The following CATSPERT variants were observed in gnomAD, a reference collection of about 807,000 sequenced individuals.
The protein encoded by CATSPERT is catsper channel auxiliary subunit tau, also known as cation channel sperm-associated targeting subunit tau.
the CATSPERT span, among the ~76,000 whole-genome samples, chr2:201,597,034 G>C: frequency 1.3e-5 from 2 of 152,168 alleles, no homozygotes; most frequent in Non-Finnish European, 2.9e-5. Context: ...AAATGATAGA[G>C]ACTCTGGATT....
At chr2:201,582,721 C>A in the CATSPERT span, among the ~76,000 whole-genome samples, 1 of 152,160 alleles carries the variant, frequency 6.6e-6, no homozygotes, top group Non-Finnish European at 1.5e-5. Context: ...GAACTTGAAA[C>A]TCTCTCCCAA....
the CATSPERT span, among the ~76,000 whole-genome samples, chr2:201,581,593 T>TATATATAC: frequency 1.3e-4 from 4 of 30,776 alleles, no homozygotes; most frequent in Admixed American, 8.4e-4. Context: ...TATATATATA[T>TATATATAC]ACACATACAT....
At chr2:201,574,617 T>C in the CATSPERT span, among the ~76,000 whole-genome samples, 2 of 152,150 alleles carry the variant, frequency 1.3e-5, no homozygotes, top group Admixed American at 1.3e-4. Context: ...TTCATGTATG[T>C]ATATTTTTAA....
At chr2:201,612,240 T>C in the CATSPERT span, among the ~76,000 whole-genome samples, 1 of 152,136 alleles carries the variant, frequency 6.6e-6, no homozygotes, top group Non-Finnish European at 1.5e-5. Context: ...AGGTCAACTC[T>C]TTCTCAGGTA....
the CATSPERT span, among the ~76,000 whole-genome samples, chr2:201,507,661 TATA>T: frequency 6.6e-6 from 1 of 152,192 alleles, no homozygotes; most frequent in African/African-American, 2.4e-5. Context: ...GAAATTAGCA[TATA>T]ATAATTAGCA....
the CATSPERT span, among the ~76,000 whole-genome samples, chr2:201,539,197 G>T: frequency 6.6e-6 from 1 of 152,082 alleles, no homozygotes; most frequent in Non-Finnish European, 1.5e-5. Context: ...TGGGATTGCT[G>T]GGTCAAATGG....
At chr2:201,574,470 T>C in the CATSPERT span, among the ~76,000 whole-genome samples, 1 of 152,210 alleles carries the variant, frequency 6.6e-6, no homozygotes, top group Admixed American at 6.5e-5. Flanking sequence ...TTAAAACCCT[T>C]TATGTTAAAG....
At chr2:201,524,855 T>TA in the CATSPERT span, among the ~76,000 whole-genome samples, 8 of 151,864 alleles carry the variant, frequency 5.3e-5, no homozygotes, top group Admixed American at 2.0e-4. Flanking sequence ...CCAACAACGA[T>TA]AAAAAAAGAC....
At chr2:201,585,317 G>C in the CATSPERT span, among the ~76,000 whole-genome samples, 63 of 151,200 alleles carry the variant, frequency 4.2e-4, no homozygotes, top group East Asian at 0.011. Flanking sequence ...AAACCACCAT[G>C]GCACGTGTAT....
the CATSPERT span, among the ~76,000 whole-genome samples, chr2:201,590,984 T>G: frequency 1.3e-5 from 2 of 152,204 alleles, no homozygotes; most frequent in African/African-American, 4.8e-5. Context: ...GCTCTTTAGT[T>G]TAATTAGATC....
the CATSPERT span, among the ~76,000 whole-genome samples, chr2:201,488,342 T>C: frequency 2.6e-5 from 4 of 152,376 alleles, no homozygotes; most frequent in East Asian, 7.7e-4. Flanking sequence ...TCTTATATTT[T>C]ACTTTTCATA....
the CATSPERT span, among the ~76,000 whole-genome samples, chr2:201,610,719 A>G: frequency 6.6e-6 from 1 of 152,284 alleles, no homozygotes; most frequent in African/African-American, 2.4e-5. Context: ...TCTTCAACAA[A>G]ATACTAGCAA....
At chr2:201,590,222 G>C in the CATSPERT span, among the ~76,000 whole-genome samples, 1 of 151,184 alleles carries the variant, frequency 6.6e-6, no homozygotes, top group Admixed American at 6.6e-5. Flanking sequence ...ACCTATGAGT[G>C]AGAATATGTG....
At chr2:201,586,701 T>C in the CATSPERT span, among the ~76,000 whole-genome samples, 2 of 152,128 alleles carry the variant, frequency 1.3e-5, no homozygotes, top group East Asian at 3.8e-4. Flanking sequence ...TTTAACTGCC[T>C]TCATATTTAT....
the CATSPERT span, chr2:201,547,442 TA>T: frequency 1.1e-6 from 1 of 918,868 alleles, no homozygotes; most frequent in Non-Finnish European, 1.6e-6. Flanking sequence ...TTAATTATCA[TA>T]ATCCCATTCT....
chr2:201,577,916 T>C, the CATSPERT span, among the ~76,000 whole-genome samples: 1 of 152,184 alleles, frequency 6.6e-6, no homozygotes, highest in Non-Finnish European at 1.5e-5. Flanking sequence ...GAAATATTAA[T>C]TGGTTTGATT....
chr2:201,544,990 C>T, the CATSPERT span, among the ~76,000 whole-genome samples: 1 of 140,814 alleles, frequency 7.1e-6, no homozygotes, highest in African/African-American at 2.6e-5. Flanking sequence ...GAACTAGACC[C>T]TGTCTCAGAT....
chr2:201,514,756 T>A, the CATSPERT span, among the ~76,000 whole-genome samples: 1 of 152,230 alleles, frequency 6.6e-6, no homozygotes, highest in Non-Finnish European at 1.5e-5. Context: ...AATTTTTGGA[T>A]CTGCATAGCT....
chr2:201,541,531 T>TATATATA, the CATSPERT span, among the ~76,000 whole-genome samples: 1 of 92,768 alleles, frequency 1.1e-5, no homozygotes, highest in Non-Finnish European at 2.1e-5. Context: ...TCAGATGATT[T>TATATATA]TATATATATA....
Sources: allele counts gnomAD v4.1 joint callset (sites outside exome capture counted in the v4.1 genomes callset), GRCh38; gene constraint gnomAD v4.1.1; transcripts MANE v1.5; gene names NCBI Gene and HGNC (gene_info 2026-07-23, HGNC 2026-07-21).